Variants in ZNF165 observed in about 807,000 individuals in gnomAD.
ZNF165 encodes the protein cancer/testis antigen 53.
Under a neutral mutation model 19.6 loss-of-function variants are expected in ZNF165, and 14 were observed. The observed-to-expected ratio is 0.71, with a 90% CI of 0.47 to 1.12. The LOEUF is 1.12. Among genes scored for constraint, ZNF165 ranks in the 50% most tolerant of loss-of-function variants. The pLI, the probability that ZNF165 is intolerant of heterozygous loss-of-function variation, is 0.00. For synonymous variants in ZNF165, 165 were observed against 195.0 expected (o/e 0.85, Z 1.28); for missense variants, 504 against 566.3 (o/e 0.89, Z 1.12).
Position 28,080,923 on chromosome 6 carries a change from C to T in ZNF165, c.-48C>T, listed in dbSNP as rs1360453253. 1 of 152,240 alleles carries T rather than the reference C, an allele frequency of 6.6e-6. No homozygotes were observed. Among genetic ancestry groups the T allele is most frequent in the African/African-American group, 2.4e-5 (1 of 41,442 alleles). 9.4% of individuals were successfully genotyped at this position (152,240 alleles called of 1,614,324 possible). A position where few individuals can be genotyped will look rare whatever the true frequency, so the allele number is the denominator to read the frequency against. On this transcript the variant is annotated 5_prime_UTR_variant, in exon 1 of 4. Transcript: ENST00000683778. Reference sequence around the variant, plus strand: ...GGAATTCTTGAAGTGTAGCGCCGCTCAGTCCTTCCACCGGAAGTGTCCGAT... The same window carrying T: ...GGAATTCTTGAAGTGTAGCGCCGCTTAGTCCTTCCACCGGAAGTGTCCGAT...
At chr6:28,082,907 C>G (rs562988520) in intron 1 of ZNF165, among the ~76,000 whole-genome samples, 4 of 152,350 alleles carry the variant, frequency 2.6e-5, no homozygotes, top group Non-Finnish European at 5.9e-5. Context: ...CTGAAACTTT[C>G]CTAATTTTTC....
chr6:28,088,771 AG>A lies in ZNF165; in HGVS notation c.761del (p.Gly254ValfsTer16). The A allele has an allele frequency of 1.2e-6, 2 of 1,614,142 alleles. No homozygotes were observed. Among genetic ancestry groups the A allele is most frequent in the Non-Finnish European group, 1.7e-6 (2 of 1,180,016 alleles). On this transcript the variant is annotated frameshift_variant, in exon 4 of 4. Coordinates refer to ENST00000683778, the MANE Select transcript of ZNF165 (RefSeq NM_001376491.1). LOFTEE classifies it low-confidence loss of function (END_TRUNC). ...SQRLSSAQDE[G>X]FGKILTHKNT... ...AGAGACTCTCGTCTGCCCAGGATGA[AG>A]GTTTTGGTAAAATCCTCACCCACAA...
At position 28,089,028 on chromosome 6, in the gene ZNF165, G is replaced by A; in HGVS notation, c.1016G>A (p.Ser339Asn). 6.2e-7 allele frequency: 1 copy of A among 1,614,182 alleles called. No homozygotes were observed. The highest frequency in any genetic ancestry group is 8.5e-7 in the Non-Finnish European group (1 of 1,180,020). Residue 339 changes from serine to asparagine, a missense_variant, in exon 4 of 4, where the codon AGT becomes AAT. Physicochemically the swap from Ser to Asn is conservative, Grantham distance 46. Coordinates refer to ENST00000683778, the MANE Select transcript of ZNF165 (RefSeq NM_001376491.1). ...PKLAKHAAVF[S>N]GDKTHQCNEC... ...CTTGCTAAACATGCAGCAGTTTTCA[G>A]TGGAGATAAAACTCATCAGTGTAAT...
Position 28,088,595 on chromosome 6 carries a change from A to G in ZNF165, c.583A>G (p.Lys195Glu). ...NESENSRSMP[K>E]LEIFEKIESQ... ...GAGTGAAAACAGTAGATCCATGCCA[A>G]AGCTGGAAATTTTTGAAAAAATTGA... The change falls in exon 4 of 4, where the codon AAG becomes GAG. Residue 195 changes from lysine to glutamate, a missense_variant. By Grantham distance (56) the Lys-to-Glu change is moderately conservative. Coordinates refer to ENST00000683778, the MANE Select transcript of ZNF165 (RefSeq NM_001376491.1). 1 of 1,610,874 alleles carries G rather than the reference A, an allele frequency of 6.2e-7. No homozygotes were observed. The highest frequency in any genetic ancestry group is 8.5e-7 in the Non-Finnish European group (1 of 1,179,088).
At chr6:28,087,236 GTTTGT>G (rs1164948064) in intron 3 of ZNF165, among the ~76,000 whole-genome samples, 3 of 151,988 alleles carry the variant, frequency 2.0e-5, no homozygotes, top group Admixed American at 6.6e-5. Context: ...TTTTTGGTTT[GTTTGT>G]TTTGTTTTGT....
Position 28,088,865 on chromosome 6 carries a change from G to A in ZNF165, c.853G>A (p.Glu285Lys), listed in dbSNP as rs1764358052. The A allele has an allele frequency of 2.5e-6, 4 of 1,614,108 alleles. No homozygotes were observed. Among genetic ancestry groups the A allele is most frequent in the South Asian group, 2.2e-5 (2 of 91,076 alleles). Reference protein sequence around the residue: ...CERRLNLNSNEFTHQKSCKHG... With the variant: ...CERRLNLNSNKFTHQKSCKHG... Reference sequence around the variant, plus strand: ...GAGGAGATTAAATCTGAACTCAAATGAATTCACACACCAGAAATCTTGTAA... The same window carrying A: ...GAGGAGATTAAATCTGAACTCAAATAAATTCACACACCAGAAATCTTGTAA... Residue 285 changes from glutamate (E) to lysine (K), a missense_variant, in exon 4 of 4, where the codon GAA becomes AAA. Coordinates refer to ENST00000683778, the MANE Select transcript of ZNF165 (RefSeq NM_001376491.1).
chr6:28,084,630 GC>G, intron 1 of ZNF165, among the ~76,000 whole-genome samples: 1 of 152,286 alleles, frequency 6.6e-6, no homozygotes, highest in Middle Eastern at 3.4e-3. Context: ...TTGCACTCCA[GC>G]CTGGGTGATA....
At position 28,085,672 on chromosome 6, in the gene ZNF165, C is replaced by A. The variant is rs758024716; in HGVS notation, c.192C>A (p.Arg64=). ...GCTACCAGGATTCTCCTGGACCTCG[C>A]GAGGCACTGAGCCGCCTCCGGGAGC... ...QFCYQDSPGP[R]EALSRLRELC... is the part of the protein sequence containing the mutation. Residue 64 remains arginine, a synonymous_variant, in exon 2 of 4, where the codon CGC becomes CGA. Coordinates refer to ENST00000683778, the MANE Select transcript of ZNF165 (RefSeq NM_001376491.1). 1 of 1,614,158 alleles carries A rather than the reference C, an allele frequency of 6.2e-7. No homozygotes were observed. The highest frequency in any genetic ancestry group is 8.5e-7 in the Non-Finnish European group (1 of 1,180,038).
At chr6:28,085,994 C>G in intron 2 of ZNF165, 103 bp downstream of exon 2, 1 of 1,520,248 alleles carries the variant, frequency 6.6e-7, no homozygotes, top group Non-Finnish European at 8.9e-7. Flanking sequence ...GCTGTTGGTT[C>G]AGTGTGCATT....
In ZNF165 at chr6:28,088,641, G is replaced by A. The variant is rs776272008; in HGVS notation, c.629G>A (p.Gly210Glu). 1 of 1,613,916 alleles carries A rather than the reference G, an allele frequency of 6.2e-7. No individual in the cohort carries two copies. The highest frequency in any genetic ancestry group is 8.5e-7 in the Non-Finnish European group (1 of 1,179,958). ...EKIESQRIISGRISGYISEAS... is the reference protein window; with the variant it reads ...EKIESQRIISERISGYISEAS... ...ATTGAATCACAGAGAATTATATCTG[G>A]AAGAATCTCAGGATACATATCAGAA... The change falls in exon 4 of 4, where the codon GGA becomes GAA. Residue 210 changes from glycine to glutamate, a missense_variant. By Grantham distance (98) the Gly-to-Glu change is moderately conservative. Transcript: ENST00000683778.
chr6:28,087,406 C>T (rs982911129), intron 3 of ZNF165, among the ~76,000 whole-genome samples: 10 of 152,028 alleles, frequency 6.6e-5, no homozygotes, highest in East Asian at 1.9e-4. Context: ...CCACCATGCC[C>T]GGCTAATTTT....
In ZNF165 at chr6:28,083,356, C is replaced by G. The variant is rs555926702; in HGVS notation, c.1-2125C>G. Among the ~76,000 whole-genome samples the G allele has an allele frequency of 6.6e-5, 10 of 152,300 alleles. 1 individual carries two copies. In the East Asian group the frequency reaches 1.4e-3, roughly 21 times the overall value. On this transcript the variant is annotated intron_variant, in intron 1 of 3. Coordinates refer to ENST00000683778, the MANE Select transcript of ZNF165 (RefSeq NM_001376491.1). ...AACCTCATCTCCTTGCCCCTAGTTT[C>G]AGTAAACAACCTTTTCCACCAGTTC...
chr6:28,085,710 G>T lies in ZNF165; in HGVS notation c.230G>T (p.Trp77Leu). ...CGCCTCCGGGAGCTCTGCTGTCAGT[G>T]GCTGAAGCCAGAGATCCATACCAAG... Reference protein sequence around the residue: ...LSRLRELCCQWLKPEIHTKEQ... With the variant: ...LSRLRELCCQLLKPEIHTKEQ... Residue 77 changes from tryptophan (W) to leucine (L), a missense_variant, in exon 2 of 4, where the codon TGG becomes TTG. Coordinates refer to ENST00000683778, the MANE Select transcript of ZNF165 (RefSeq NM_001376491.1). The T allele has an allele frequency of 1.2e-6, 2 of 1,614,002 alleles. No individual in the cohort carries two copies. Among genetic ancestry groups the T allele is most frequent in the Non-Finnish European group, 1.7e-6 (2 of 1,180,046 alleles).
intron 1 of ZNF165, among the ~76,000 whole-genome samples, chr6:28,084,379 A>C (rs1348418281): frequency 6.6e-6 from 1 of 152,234 alleles, no homozygotes; most frequent in Non-Finnish European, 1.5e-5. Flanking sequence ...CAGGCCGGGC[A>C]CGGTGGCTCA....
At position 28,086,212 on chromosome 6, in the gene ZNF165, A is replaced by C; in HGVS notation, c.452A>C (p.Lys151Thr). The change falls in exon 3 of 4, where the codon AAA becomes ACA. Residue 151 changes from lysine (K) to threonine (T), a missense_variant. Transcript: ENST00000683778. ...HEHGQEIFQK[K>T]VSPPGPALNV... ...CATGGACAAGAAATATTCCAGAAAA[A>C]AGTGTCACCTCCTGGACCAGCACTT... 6.2e-7 allele frequency: 1 copy of C among 1,614,166 alleles called. No homozygotes were observed.
chr6:28,086,342 A>G lies in ZNF165; in HGVS notation c.550+32A>G, dbSNP rs1420814509. The stretch of plus-strand genomic sequence containing the variant: ...GGCAGAATGCCATATAGTGCACATC[A>G]CTAAAGAAACAGGGGAATGAATCTC... On this transcript the variant is annotated intron_variant, in intron 3 of 3. Transcript: ENST00000683778. 4.4e-6 allele frequency: 7 copies of G among 1,581,358 alleles called. No individual in the cohort carries two copies. The Admixed American group carries it at 1.3e-4, about 30-fold the overall frequency.
chr6:28,080,702 T>G lies in ZNF165; in HGVS notation c.-269T>G, dbSNP rs1764131417. On this transcript the variant is annotated 5_prime_UTR_variant, in exon 1 of 4. Coordinates refer to ENST00000683778, the MANE Select transcript of ZNF165 (RefSeq NM_001376491.1). The stretch of plus-strand genomic sequence containing the variant: ...GCCACCGCGCCCGGCCAACGTCATT[T>G]TCTTTTCAGGAGTCCCTTCTGTTAT... 6.6e-6 allele frequency: 1 copy of G among 152,314 alleles called. No homozygotes were observed. The highest frequency in any genetic ancestry group is 2.1e-4 in the South Asian group (1 of 4,822). 9.4% of individuals were successfully genotyped at this position (152,314 alleles called of 1,614,324 possible).
Position 28,089,114 on chromosome 6 carries a change from G to A in ZNF165, c.1102G>A (p.Gly368Arg). Reference sequence around the variant, plus strand: ...TGCTAGGCATCAGAGAATCCACACTGGAGAGAGATGCTATGAATGTAATGA... The same window carrying A: ...TGCTAGGCATCAGAGAATCCACACTAGAGAGAGATGCTATGAATGTAATGA... ...KLARHQRIHT[G>R]ERCYECNECG... Residue 368 changes from glycine (G) to arginine (R), a missense_variant, in exon 4 of 4, where the codon GGA (glycine) becomes AGA (arginine). Gly to Arg is a moderately radical substitution (Grantham distance 125). Transcript: ENST00000683778. 1 of 1,614,190 alleles carries A rather than the reference G, an allele frequency of 6.2e-7. No homozygotes were observed. The highest frequency in any genetic ancestry group is 8.5e-7 in the Non-Finnish European group (1 of 1,180,028).
At chr6:28,082,272 C>A (rs981324147) in intron 1 of ZNF165, among the ~76,000 whole-genome samples, 10 of 151,688 alleles carry the variant, frequency 6.6e-5, no homozygotes, top group Admixed American at 2.0e-4. Context: ...AATACTGTTA[C>A]ATATCTTCAA....
Sources: gnomAD v4.1 joint callset for allele counts (sites outside exome capture counted in the v4.1 genomes callset) on GRCh38, gnomAD v4.1.1 for gene constraint, MANE v1.5 for transcripts, NCBI Gene and HGNC (gene_info 2026-07-23, HGNC 2026-07-21) for gene names.